Variants in UBE4B observed in about 807,000 individuals in gnomAD.
The protein encoded by UBE4B is ubiquitin conjugation factor E4 B.
In UBE4B, 27 loss-of-function variants were observed where a neutral mutation model predicts 148.1. The observed-to-expected ratio is 0.18, with a 90% CI of 0.13 to 0.25. The LOEUF (loss-of-function observed/expected upper bound fraction) is 0.25. UBE4B is among the 10% of genes least tolerant of loss of function. The pLI is 1.00. For missense variants in UBE4B, 1,170 were observed against 1,662.4 expected, an observed-to-expected ratio of 0.70 and a Z score of 5.15; for synonymous variants, 596 against 619.3, an observed-to-expected ratio of 0.96 and a Z score of 0.56.
intron 1 of UBE4B, among the ~76,000 whole-genome samples, chr1:10,056,912 A>C (rs1451137401): frequency 6.6e-6 from 1 of 152,054 alleles, no homozygotes; most frequent in Non-Finnish European, 1.5e-5. Context: ...CTGCAGCCTC[A>C]GCCTCCCCAG....
intron 1 of UBE4B, among the ~76,000 whole-genome samples, chr1:10,058,491 G>A (rs1441438184): frequency 6.6e-6 from 1 of 152,206 alleles, no homozygotes; most frequent in Non-Finnish European, 1.5e-5. Flanking sequence ...TGGAGAAAGT[G>A]CACAGGAGCC....
intron 1 of UBE4B, among the ~76,000 whole-genome samples, chr1:10,043,948 G>C (rs1390659710): frequency 2.0e-5 from 3 of 152,204 alleles, no homozygotes; most frequent in African/African-American, 7.2e-5. Flanking sequence ...TGTATACAGA[G>C]AGGAATGGAA....
intron 1 of UBE4B, among the ~76,000 whole-genome samples, chr1:10,057,432 T>C (rs1276192241): frequency 6.7e-6 from 1 of 150,070 alleles, no homozygotes; most frequent in African/African-American, 2.4e-5. Flanking sequence ...TTTTTTTTTT[T>C]TTTTTTGAGA....
chr1:10,115,989 C>T (rs1645301554), intron 7 of UBE4B, among the ~76,000 whole-genome samples: 1 of 152,126 alleles, frequency 6.6e-6, no homozygotes, highest in South Asian at 2.1e-4. Flanking sequence ...TGTTATGTGG[C>T]GCATGTGTTA....
At chr1:10,143,943 A>G (rs1221749401) in intron 17 of UBE4B, among the ~76,000 whole-genome samples, 2 of 152,208 alleles carry the variant, frequency 1.3e-5, no homozygotes, top group Non-Finnish European at 2.9e-5. Context: ...GCCTTCAGTG[A>G]GGGTTCATCT....
At chr1:10,105,829 T>G in intron 6 of UBE4B, 85 bp downstream of exon 6, 1 of 1,359,308 alleles carries the variant, frequency 7.4e-7, no homozygotes, top group Non-Finnish European at 1.0e-6. Flanking sequence ...TTGACAGTGT[T>G]AATCAGTGTC....
intron 1 of UBE4B, among the ~76,000 whole-genome samples, chr1:10,052,577 C>A (rs956877994): frequency 6.6e-6 from 1 of 152,228 alleles, no homozygotes; most frequent in African/African-American, 2.4e-5. Context: ...GCTTCACAGG[C>A]ATGTGACTGC....
rs80164123 is a variant in UBE4B at position 10,147,205 on chromosome 1, T to G, written c.2591+115T>G. On this transcript the variant is annotated intron_variant, in intron 19 of 27. Transcript: ENST00000343090. ...ACCCTTTCTTTATCAAGAATTCACT[T>G]CTCTGCAAGGCGCAGTGGTTCACGC... 5.3e-3 allele frequency: 8,037 copies of G among 1,509,492 alleles called. 42 individuals carry two copies. The highest frequency in any genetic ancestry group is 0.021 in the African/African-American group (1,512 of 72,664). 93.5% of individuals were successfully genotyped at this position (1,509,492 alleles called of 1,614,324 possible).
intron 7 of UBE4B, among the ~76,000 whole-genome samples, chr1:10,109,326 G>A (rs1645176961): frequency 6.6e-6 from 1 of 152,108 alleles, no homozygotes. Flanking sequence ...TTCCATTTCT[G>A]CCCAAATAGG....
intron 7 of UBE4B, among the ~76,000 whole-genome samples, chr1:10,112,380 T>C (rs1645235746): frequency 6.6e-6 from 1 of 152,198 alleles, no homozygotes; most frequent in Non-Finnish European, 1.5e-5. Flanking sequence ...CTTTAAATAT[T>C]TAGAAATATT....
Position 10,137,050 on chromosome 1 carries a change from G to T in UBE4B, c.2225-17G>T. The T allele has an allele frequency of 6.2e-7, 1 of 1,613,970 alleles. No individual in the cohort carries two copies. Among genetic ancestry groups the T allele is most frequent in the South Asian group, 1.1e-5 (1 of 91,058 alleles). On this transcript the variant is annotated splice_polypyrimidine_tract_variant and intron_variant, in intron 16 of 27. Transcript: ENST00000343090. ...ATGTAATAGATTTTATTTAGGGAAT[G>T]ATGTTATTTTTCCTAGATGGCGATC... is the stretch of plus-strand genomic sequence containing the variant.
At position 10,084,398 on chromosome 1, in the gene UBE4B, A is replaced by C. The variant is rs746373321; in HGVS notation, c.212-11063A>C. Among the ~76,000 whole-genome samples, 128 of 151,816 alleles carry C rather than the reference A, an allele frequency of 8.4e-4. 3 individuals are homozygous for C. The highest frequency in any genetic ancestry group is 8.5e-4 in the Non-Finnish European group (58 of 67,962). The stretch of plus-strand genomic sequence containing the variant: ...ATGTTCCACCCTCTTCATGTAATTC[A>C]CTATCTTGATTTTCAGAGCATGTTC... On this transcript the variant is annotated intron_variant, in intron 2 of 27. Transcript: ENST00000343090.
intron 2 of UBE4B, among the ~76,000 whole-genome samples, chr1:10,092,075 GAA>G (rs981765375): frequency 6.6e-6 from 1 of 152,028 alleles, no homozygotes; most frequent in Non-Finnish European, 1.5e-5. Context: ...AGAAAGGAGA[GAA>G]ATGGGTTATG....
In UBE4B at chr1:10,106,415, G is replaced by GCGT; in HGVS notation, c.1030_1032dup (p.Val344dup). 1 of 1,613,712 alleles carries GCGT rather than the reference G, an allele frequency of 6.2e-7. No individual in the cohort carries two copies. Among genetic ancestry groups the GCGT allele is most frequent in the East Asian group, 2.2e-5 (1 of 44,856 alleles). On this transcript the variant is annotated inframe_insertion, in exon 7 of 28. Coordinates refer to ENST00000343090, the MANE Select transcript of UBE4B (RefSeq NM_001105562.3). The surrounding 1 kb of genome is among the most constrained non-coding windows in gnomAD (Gnocchi z 4.2). ...GTCACTCACCCATGGGCGTCCTCAG[G>GCGT]CGTCTCCATTCTGTCGAGCTCCCCA...
At chr1:10,162,621 T>TC (rs1274518213) in intron 23 of UBE4B, among the ~76,000 whole-genome samples, 1 of 151,518 alleles carries the variant, frequency 6.6e-6, no homozygotes, top group East Asian at 1.9e-4. Flanking sequence ...TTTTTTTTTT[T>TC]TTTCTTTTTT....
rs574303392 is a variant in UBE4B at position 10,103,740 on chromosome 1, C to T, written c.580+648C>T. The stretch of plus-strand genomic sequence containing the variant: ...CCACCTCCTGGGTTCAAGCAATTCT[C>T]CAGCCTCAGCCTCCCGAGTTGGGAT... On this transcript the variant is annotated intron_variant, in intron 5 of 27. Coordinates refer to ENST00000343090, the MANE Select transcript of UBE4B (RefSeq NM_001105562.3). Among the ~76,000 whole-genome samples the T allele has an allele frequency of 9.3e-5, 14 of 151,162 alleles. No individual in the cohort carries two copies. In the East Asian group the frequency reaches 1.8e-3, roughly 19 times the overall value.
At chr1:10,093,949 C>T (rs1282243547) in intron 2 of UBE4B, among the ~76,000 whole-genome samples, 2 of 152,118 alleles carry the variant, frequency 1.3e-5, no homozygotes, top group Non-Finnish European at 2.9e-5. Context: ...CCTTCCTCGG[C>T]CCCTCAAAGT....
chr1:10,106,269 C>T lies in UBE4B; in HGVS notation c.882C>T (p.Ala294=). The change falls in exon 7 of 28, where the codon GCC becomes GCT. Residue 294 remains alanine, a synonymous_variant. Coordinates refer to ENST00000343090, the MANE Select transcript of UBE4B (RefSeq NM_001105562.3). This position sits in a 1 kb window ranked among gnomAD's most constrained non-coding sequence, Gnocchi z 4.2. ...TTCCCGTGATGGGCCCGTCTCTTGC[C>T]TCACCTTCCCGTGCAGCCAGCCAGT... ...SSVPVMGPSL[A]SPSRAASQLA... 1 of 1,614,124 alleles carries T rather than the reference C, an allele frequency of 6.2e-7. No homozygotes were observed. Among genetic ancestry groups the T allele is most frequent in the Non-Finnish European group, 8.5e-7 (1 of 1,179,984 alleles).
At chr1:10,096,786 A>T (rs1214547903) in intron 3 of UBE4B, among the ~76,000 whole-genome samples, 1 of 152,142 alleles carries the variant, frequency 6.6e-6, no homozygotes, top group Non-Finnish European at 1.5e-5. Flanking sequence ...CACGCCTGTA[A>T]TCCCAGCACT....
Sources: allele counts gnomAD v4.1 joint callset (sites outside exome capture counted in the v4.1 genomes callset), GRCh38; gene constraint gnomAD v4.1.1; non-coding constraint Gnocchi (gnomAD v3.1); transcripts MANE v1.5; gene names NCBI Gene and HGNC (gene_info 2026-07-23, HGNC 2026-07-21).